The following VAV1 variants were observed in gnomAD, a reference collection of about 807,000 sequenced individuals.
VAV1 encodes the protein vav guanine nucleotide exchange factor 1.
A neutral mutation model predicts 128.1 loss-of-function variants in VAV1; 33 were observed. That is an observed-to-expected ratio of 0.26 (90% CI 0.20 to 0.34). The LOEUF (loss-of-function observed/expected upper bound fraction) is 0.34. VAV1 is among the 10% of genes least tolerant of loss of function. The pLI, the probability that VAV1 is intolerant of heterozygous loss-of-function variation, is 1.00. For missense variants in VAV1, 715 were observed against 1,093.7 expected, an observed-to-expected ratio of 0.65 and a Z score of 4.88; for synonymous variants, 394 against 409.8, an observed-to-expected ratio of 0.96 and a Z score of 0.47.
chr19:6,850,895 T>C (rs1249237847), intron 24 of VAV1, 138 bp downstream of exon 24: 1 of 686,106 alleles, frequency 1.5e-6, no homozygotes, highest in African/African-American at 1.8e-5. Context: ...GACCTTAAAC[T>C]TATGCTCTTA....
At chr19:6,789,753 A>G (rs1414478683) in intron 1 of VAV1, among the ~76,000 whole-genome samples, 1 of 151,938 alleles carries the variant, frequency 6.6e-6, no homozygotes, top group Non-Finnish European at 1.5e-5. Flanking sequence ...ATGTGCCACC[A>G]TATCCGGCTA....
chr19:6,828,366 C>A lies in VAV1; in HGVS notation c.1024-53C>A. 6.2e-7 allele frequency: 1 copy of A among 1,608,946 alleles called. No homozygotes were observed. Among genetic ancestry groups the A allele is most frequent in the Non-Finnish European group, 8.5e-7 (1 of 1,176,218 alleles). On this transcript the variant is annotated intron_variant, in intron 10 of 26. Coordinates refer to ENST00000602142, the MANE Select transcript of VAV1 (RefSeq NM_005428.4). This position sits in a 1 kb window ranked among gnomAD's most constrained non-coding sequence, Gnocchi z 4.5. The stretch of plus-strand genomic sequence containing the variant: ...CTAGCATTGTTTGGAAGGCCCTCCC[C>A]GCAGGGAGAAGGGGAGGGGCCCAGG...
intron 22 of VAV1, among the ~76,000 whole-genome samples, chr19:6,847,123 AG>A (rs1306333813): frequency 6.6e-6 from 1 of 152,162 alleles, no homozygotes; most frequent in Non-Finnish European, 1.5e-5. Flanking sequence ...CATGTTGCCC[AG>A]GCTGGTCTCG....
At position 6,831,853 on chromosome 19, in the gene VAV1, AGTGTGT is replaced by A. The variant is rs112497070; in HGVS notation, c.1399-216_1399-211del. 3.8e-4 allele frequency among the ~76,000 whole-genome samples: 56 copies of A among 146,644 alleles called. 1 individual carries two copies. Among genetic ancestry groups the A allele is most frequent in the Admixed American group, 5.4e-4 (8 of 14,682 alleles). Reference sequence around the variant, plus strand: ...TCTGGTGTGTGCTTCTGCAAAGGGGAGTGTGTGTGTGTGTGTGTGTGTGTGTGCATG... The same window carrying A: ...TCTGGTGTGTGCTTCTGCAAAGGGGAGTGTGTGTGTGTGTGTGTGTGCATG... On this transcript the variant is annotated intron_variant, in intron 14 of 26. Transcript: ENST00000602142.
intron 1 of VAV1, among the ~76,000 whole-genome samples, chr19:6,814,641 T>TTCCTTCCTTCCTTCCG (rs1971582661): frequency 2.9e-5 from 2 of 69,812 alleles, no homozygotes; most frequent in African/African-American, 2.2e-4. Flanking sequence ...CTTTCTCTCC[T>TTCCTTCCTTCCTTCCG]TCCTTCCTTC....
At chr19:6,829,401 A>C (rs1383550698) in intron 13 of VAV1, among the ~76,000 whole-genome samples, 2 of 151,250 alleles carry the variant, frequency 1.3e-5, no homozygotes, top group African/African-American at 4.9e-5. Flanking sequence ...GCCAACACAG[A>C]TCTGGGGTGG....
intron 22 of VAV1, 106 bp downstream of exon 22, chr19:6,843,272 C>A: frequency 7.8e-7 from 1 of 1,283,608 alleles, no homozygotes; most frequent in Non-Finnish European, 1.1e-6. Flanking sequence ...ATTCTGTGAT[C>A]CCTGAGCACC....
chr19:6,784,028 A>T, intron 1 of VAV1: 2 of 401,416 alleles, frequency 5.0e-6, no homozygotes, highest in Non-Finnish European at 8.9e-6. Context: ...CCGAGACAGG[A>T]GGATTGCTTG....
rs1972155258 is a variant in VAV1 at position 6,833,959 on chromosome 19, T to C, written c.1777+6T>C. The C allele has an allele frequency of 6.2e-7, 1 of 1,613,796 alleles. No individual in the cohort carries two copies. The highest frequency in any genetic ancestry group is 8.5e-7 in the Non-Finnish European group (1 of 1,180,002). On this transcript the variant is annotated splice_donor_region_variant and intron_variant, in intron 19 of 26. Coordinates refer to ENST00000602142, the MANE Select transcript of VAV1 (RefSeq NM_005428.4). Reference sequence around the variant, plus strand: ...CAAAAAGAGGAATGAGCTGGGTGAGTTGGCAGGGGTTGCTGTGTGGGGGCA... The same window carrying C: ...CAAAAAGAGGAATGAGCTGGGTGAGCTGGCAGGGGTTGCTGTGTGGGGGCA...
chr19:6,822,433 G>C lies in VAV1; in HGVS notation c.573G>C (p.Glu191Asp). 6.4e-7 allele frequency: 1 copy of C among 1,562,982 alleles called. No homozygotes were observed. Among genetic ancestry groups the C allele is most frequent in the Non-Finnish European group, 8.7e-7 (1 of 1,155,640 alleles). ...CTCGCTCTCAGCCCAAGATGACAGA[G>C]TATGACAAGCGCTGCTGCTGCCTGC... Reference protein sequence around the residue: ...EPVSMPPKMTEYDKRCCCLRE... With the variant: ...EPVSMPPKMTDYDKRCCCLRE... Residue 191 changes from glutamate to aspartate, a missense_variant, in exon 6 of 27, where the codon GAG (glutamate) becomes GAC (aspartate). By Grantham distance (45) the Glu-to-Asp change is conservative. Coordinates refer to ENST00000602142, the MANE Select transcript of VAV1 (RefSeq NM_005428.4). This position sits in a 1 kb window ranked among gnomAD's most constrained non-coding sequence, Gnocchi z 5.9.
intron 1 of VAV1, among the ~76,000 whole-genome samples, chr19:6,800,289 CTCT>C (rs1470400224): frequency 6.6e-6 from 1 of 150,562 alleles, no homozygotes; most frequent in Non-Finnish European, 1.5e-5. Context: ...CAGCATGCTT[CTCT>C]TCTTTGCTTC....
chr19:6,779,740 C>T lies in VAV1; in HGVS notation c.204+6729C>T, dbSNP rs934032139. On this transcript the variant is annotated intron_variant, in intron 1 of 26. Coordinates refer to ENST00000602142, the MANE Select transcript of VAV1 (RefSeq NM_005428.4). ...CTAAAATAAAGCTGGGGGCTGGGTGCGGTGGCTCATGCCTATAATCCTAGC... is the reference window on the plus strand; with the variant it reads ...CTAAAATAAAGCTGGGGGCTGGGTGTGGTGGCTCATGCCTATAATCCTAGC... 3.3e-5 allele frequency among the ~76,000 whole-genome samples: 5 copies of T among 149,546 alleles called. 2 individuals carry two copies. The highest frequency in any genetic ancestry group is 7.5e-5 in the Non-Finnish European group (5 of 66,852).
At chr19:6,842,619 G>GACCA (rs1456231893) in intron 21 of VAV1, among the ~76,000 whole-genome samples, 11 of 152,064 alleles carry the variant, frequency 7.2e-5, no homozygotes, top group Non-Finnish European at 1.5e-5. Context: ...AGGAGTTTGA[G>GACCA]ACCAGCCTGG....
At position 6,841,560 on chromosome 19, in the gene VAV1, C is replaced by G. The variant is rs148164388; in HGVS notation, c.1981-1575C>G. On this transcript the variant is annotated intron_variant, in intron 21 of 26. Transcript: ENST00000602142. The stretch of plus-strand genomic sequence containing the variant: ...AATGATCTCGGCTCACTGCAACCTC[C>G]GCTTCCCAGGTTCAAGCAATTCTCC... Among the ~76,000 whole-genome samples, 1,482 of 151,394 alleles carry G rather than the reference C, an allele frequency of 9.8e-3. 13 individuals carry two copies. Among genetic ancestry groups the G allele is most frequent in the Non-Finnish European group, 0.015 (998 of 67,866 alleles).
rs750986727 is a variant in VAV1 at position 6,821,629 on chromosome 19, A to G, written c.329A>G (p.Tyr110Cys). The G allele has an allele frequency of 3.7e-6, 6 of 1,614,086 alleles. No individual in the cohort carries two copies. Among genetic ancestry groups the G allele is most frequent in the South Asian group, 2.2e-5 (2 of 91,086 alleles). ...GCCACTGCCCCGTCACAGGTCATCT[A>G]CACCCTGTCTGCTCTGTCCTGGACC... Reference protein sequence around the residue: ...FDVQDFGKVIYTLSALSWTPI... With the variant: ...FDVQDFGKVICTLSALSWTPI... Residue 110 changes from tyrosine to cysteine, a missense_variant, in exon 3 of 27, where the codon TAC becomes TGC. Transcript: ENST00000602142.
At position 6,781,839 on chromosome 19, in the gene VAV1, C is replaced by G. The variant is rs144462707; in HGVS notation, c.204+8828C>G. On this transcript the variant is annotated intron_variant, in intron 1 of 26. Transcript: ENST00000602142. ...GCCTGGCCGGTCTCAAACTCCTGACCTCGAGTGATCCACCCGTCTTGGCCT... is the reference window on the plus strand; with the variant it reads ...GCCTGGCCGGTCTCAAACTCCTGACGTCGAGTGATCCACCCGTCTTGGCCT... Among the ~76,000 whole-genome samples the G allele has an allele frequency of 2.2e-3, 334 of 152,206 alleles. 1 individual carries two copies. The highest frequency in any genetic ancestry group is 7.7e-3 in the African/African-American group (318 of 41,538).
At chr19:6,843,199 G>C in intron 22 of VAV1, 33 bp downstream of exon 22, 1 of 1,613,894 alleles carries the variant, frequency 6.2e-7, no homozygotes, top group South Asian at 1.1e-5. Context: ...GTTTCAATGA[G>C]AGGTTTCTGG....
At chr19:6,834,409 A>T (rs1972168235) in intron 19 of VAV1, among the ~76,000 whole-genome samples, 1 of 151,276 alleles carries the variant, frequency 6.6e-6, no homozygotes, top group African/African-American at 2.4e-5. Context: ...ACGCTCGGCT[A>T]ATTTTTGTAT....
intron 1 of VAV1, among the ~76,000 whole-genome samples, chr19:6,788,894 T>A (rs1970952686): frequency 6.6e-6 from 1 of 152,236 alleles, no homozygotes; most frequent in Non-Finnish European, 1.5e-5. Context: ...AGTGTTTATA[T>A]GGGCAGTGAC....
Sources: gnomAD v4.1 joint callset for allele counts (sites outside exome capture counted in the v4.1 genomes callset) on GRCh38, gnomAD v4.1.1 for gene constraint, Gnocchi (gnomAD v3.1) non-coding constraint, MANE v1.5 for transcripts, NCBI Gene and HGNC (gene_info 2026-07-23, HGNC 2026-07-21) for gene names.